The following PPIL3 variants were observed in gnomAD, a reference collection of about 807,000 sequenced individuals.
PPIL3 encodes peptidyl-prolyl cis-trans isomerase-like 3.
PPIL3 carries 13 observed loss-of-function variants against 20.9 expected under a neutral mutation model. The observed-to-expected ratio is 0.62, with a 90% CI of 0.40 to 0.99. The LOEUF (loss-of-function observed/expected upper bound fraction) is 0.99. PPIL3 is among the 50% of genes least tolerant of loss of function. The pLI is 0.00. For missense variants in PPIL3, 170 were observed against 195.2 expected (o/e 0.87, Z 0.77); for synonymous variants, 71 against 64.4 (o/e 1.10, Z -0.49).
At chr2:200,875,562 G>A (rs771360784) in intron 6 of PPIL3, among the ~76,000 whole-genome samples, 5 of 151,550 alleles carry the variant, frequency 3.3e-5, no homozygotes, top group Non-Finnish European at 5.9e-5. Flanking sequence ...CACCGCACCC[G>A]GCTTTTCTTT....
upstream of PPIL3, chr2:200,889,121 C>T: frequency 2.2e-6 from 1 of 458,804 alleles, no homozygotes; most frequent in South Asian, 1.6e-5. Context: ...CACCTCCTTC[C>T]TCCCCTCATC....
chr2:200,882,453 G>C lies in PPIL3; in HGVS notation c.79-18C>G. 6.8e-7 allele frequency: 1 copy of C among 1,462,444 alleles called. No individual in the cohort carries two copies. The highest frequency in any genetic ancestry group is 9.6e-7 in the Non-Finnish European group (1 of 1,042,750). The allele number at this position is 1,462,444 out of a possible 1,614,324, so 90.6% of individuals were successfully genotyped here. The stretch of plus-strand genomic sequence containing the variant: ...AAGAAATTCTGAAGGGAGTAAAAAT[G>C]ATTGAGAAATGATGCAGCAGAAACC... On this transcript the variant is annotated intron_variant, in intron 3 of 6. Transcript: ENST00000392283.
Position 200,881,486 on chromosome 2 carries a change from T to C in PPIL3, c.175A>G (p.Thr59Ala), listed in dbSNP as rs1395606014. ...CAAATACTGTTGCCTCCTCTTCCAG[T>C]TCCTACATTACAAGTGAAGCAAATC... The part of the protein sequence containing the change: ...FMVQTGDPTG[T>A]GRGGNSIWGK... The change falls in exon 5 of 7, where the codon ACT becomes GCT. Residue 59 changes from threonine to alanine, a missense_variant and splice_region_variant. Thr to Ala is a moderately conservative substitution (Grantham distance 58, BLOSUM62 0). Transcript: ENST00000392283. 1 of 1,611,982 alleles carries C rather than the reference T, an allele frequency of 6.2e-7. No individual in the cohort carries two copies. The highest frequency in any genetic ancestry group is 1.1e-5 in the South Asian group (1 of 90,834).
upstream of PPIL3, chr2:200,889,213 C>T (rs2040103163): frequency 2.7e-6 from 1 of 368,466 alleles, no homozygotes; most frequent in African/African-American, 2.1e-5. Context: ...CTAATAATTG[C>T]ACTGGGACAA....
chr2:200,871,825 C>A (rs1312706098), intron 6 of PPIL3, among the ~76,000 whole-genome samples: 1 of 152,212 alleles, frequency 6.6e-6, no homozygotes, highest in African/African-American at 2.4e-5. Context: ...ACTAATATAA[C>A]CAGTTAAAGG....
At chr2:200,885,455 T>C (rs986636376) in intron 3 of PPIL3, 4 of 406,226 alleles carry the variant, frequency 9.8e-6, no homozygotes, top group African/African-American at 6.2e-5. Flanking sequence ...TGAAGAAAAT[T>C]AGTTCAAAAG....
chr2:200,881,611 C>G, intron 4 of PPIL3, 123 bp from the exon 5 acceptor site: 1 of 733,102 alleles, frequency 1.4e-6, no homozygotes, highest in South Asian at 2.1e-5. Flanking sequence ...TTTGATATGG[C>G]CTTTCCTAAT....
intron 3 of PPIL3, 193 bp downstream of exon 3, chr2:200,885,505 C>G (rs997877261): frequency 1.9e-5 from 10 of 533,080 alleles, no homozygotes; most frequent in African/African-American, 5.9e-5. Context: ...GAAAAATTAT[C>G]TACGTTCTCT....
rs2039888171 is a variant in PPIL3, at chr2:200,885,299, A to T, written c.78+399T>A. On this transcript the variant is annotated intron_variant, in intron 3 of 6. Transcript: ENST00000392283. ...GGCAGAAGACTTGCTTGAACCCAGG[A>T]GGCGGAGGTTGCAGTGAGCCGAGAT... The T allele has an allele frequency of 1.7e-5, 6 of 350,124 alleles. No individual in the cohort carries two copies. The East Asian group carries it at 2.4e-4, about 14-fold the overall frequency. 21.7% of individuals were successfully genotyped at this position (350,124 alleles called of 1,614,324 possible). A position where few individuals can be genotyped will look rare whatever the true frequency, so the allele number is the denominator to read the frequency against.
intron 2 of PPIL3, among the ~76,000 whole-genome samples, chr2:200,886,492 C>A (rs2039942408): frequency 6.7e-6 from 1 of 150,172 alleles, no homozygotes; most frequent in African/African-American, 2.5e-5. Flanking sequence ...GTGGCGTGAT[C>A]TCGGCTCACT....
intron 4 of PPIL3, chr2:200,881,958 C>CA (rs57998221): frequency 0.16 from 33,782 of 206,582 alleles, 3,196 homozygotes; most frequent in East Asian, 0.31. Context: ...TCATTCTCAG[C>CA]AAACTAACAC....
At chr2:200,876,429 C>T (rs1466200160) in intron 6 of PPIL3, among the ~76,000 whole-genome samples, 2 of 152,024 alleles carry the variant, frequency 1.3e-5, no homozygotes, top group Non-Finnish European at 2.9e-5. Flanking sequence ...TTATAACTTT[C>T]CCAAGGTCAC....
At chr2:200,874,130 A>G (rs1343431528) in intron 6 of PPIL3, among the ~76,000 whole-genome samples, 8 of 149,526 alleles carry the variant, frequency 5.4e-5, no homozygotes, top group Non-Finnish European at 1.0e-4. Flanking sequence ...GCGTGAACCC[A>G]GGAGGGTGAG....
intron 2 of PPIL3, 72 bp downstream of exon 2, chr2:200,887,541 T>TGCCCTTGACTGCCCATGACTGCA: frequency 1.7e-6 from 2 of 1,194,484 alleles, no homozygotes; most frequent in Non-Finnish European, 2.4e-6. Context: ...CATGAACTTT[T>TGCCCTTGACTGCCCATGACTGCA]ATTGCCCTTG....
At position 200,871,400 on chromosome 2, in the gene PPIL3, G is replaced by A. The variant is rs773986144; in HGVS notation, c.481C>T (p.Gln161Ter). ...DITIHANPFAQ is the reference protein window; with the variant it reads ...DITIHANPFA ...TTTGTCCAGGTCTATCATAGCTACT[G>A]AGCAAATGGGTTGGCATGAATAGTT... Residue 161 changes from glutamine to a stop codon, truncating the protein, a stop_gained, in exon 7 of 7, where the codon CAG becomes TAG. Transcript: ENST00000392283. LOFTEE classifies it high-confidence loss of function. The A allele has an allele frequency of 6.2e-7, 1 of 1,610,568 alleles. No individual in the cohort carries two copies. Among genetic ancestry groups the A allele is most frequent in the Non-Finnish European group, 8.5e-7 (1 of 1,177,920 alleles).
intron 6 of PPIL3, among the ~76,000 whole-genome samples, chr2:200,874,098 G>A (rs925196848): frequency 1.3e-5 from 2 of 151,568 alleles, no homozygotes; most frequent in East Asian, 2.0e-4. Context: ...CCAGCTACTT[G>A]GGAGGCTGAG....
intron 6 of PPIL3, among the ~76,000 whole-genome samples, chr2:200,875,695 C>T (rs1394576013): frequency 1.3e-5 from 2 of 152,034 alleles, no homozygotes; most frequent in Non-Finnish European, 2.9e-5. Flanking sequence ...ACCTCAGCCT[C>T]CTGAGTAGTT....
intron 3 of PPIL3, among the ~76,000 whole-genome samples, chr2:200,883,160 C>T (rs1296651418): frequency 7.5e-6 from 1 of 132,560 alleles, no homozygotes; most frequent in Admixed American, 8.3e-5. Flanking sequence ...CCCTATGTTG[C>T]CCAGGCTGGT....
At chr2:200,876,517 ATTTTT>A (rs1273010531) in intron 6 of PPIL3, among the ~76,000 whole-genome samples, 1 of 130,680 alleles carries the variant, frequency 7.7e-6, no homozygotes, top group Non-Finnish European at 1.7e-5. Context: ...TTTTCTTTTC[ATTTTT>A]TTTTTTTTTT....
Sources: allele counts gnomAD v4.1 joint callset (sites outside exome capture counted in the v4.1 genomes callset), GRCh38; gene constraint gnomAD v4.1.1; transcripts MANE v1.5; gene names NCBI Gene and HGNC (gene_info 2026-07-23, HGNC 2026-07-21).